EBF2: variants seen among roughly 807,000 people sequenced by gnomAD.
EBF2 encodes EBF transcription factor 2.
In EBF2, 21 loss-of-function variants were observed where a neutral mutation model predicts 72.8. That is an observed-to-expected ratio of 0.29 (90% confidence interval 0.20 to 0.42). EBF2 has a LOEUF of 0.42. Ranked by LOEUF, EBF2 falls within the 10% of genes least tolerant of loss-of-function variation. The probability of loss-of-function intolerance (pLI) is 1.00; values close to 1 mark genes in which losing one functional copy is unlikely to be tolerated. For synonymous variants in EBF2, 299 were observed against 274.2 expected (o/e 1.09, Z -0.89); for missense variants, 637 against 731.2 (o/e 0.87, Z 1.49).
At chr8:26,043,166 C>G (rs1428466582) in intron 1 of EBF2, among the ~76,000 whole-genome samples, 1 of 152,230 alleles carries the variant, frequency 6.6e-6, no homozygotes, top group African/African-American at 2.4e-5. Context: ...ACACGCTTCC[C>G]AGCCAACCGG....
At chr8:25,939,760 TAACA>T (rs1308319797) in intron 6 of EBF2, among the ~76,000 whole-genome samples, 2 of 152,166 alleles carry the variant, frequency 1.3e-5, no homozygotes, top group African/African-American at 4.8e-5. Context: ...AAAGAATAAT[TAACA>T]AAGAGAGGAG....
intron 6 of EBF2, among the ~76,000 whole-genome samples, chr8:25,939,083 G>A (rs1803627003): frequency 6.6e-6 from 1 of 152,042 alleles, no homozygotes; most frequent in African/African-American, 2.4e-5. Flanking sequence ...GTAACTTCAT[G>A]CTCAAGACAA....
intron 10 of EBF2, among the ~76,000 whole-genome samples, chr8:25,868,268 C>G (rs1236622461): frequency 6.6e-6 from 1 of 152,004 alleles, no homozygotes; most frequent in African/African-American, 2.4e-5. Flanking sequence ...ACAGTATGTG[C>G]CTTTTGGAAT....
intron 6 of EBF2, among the ~76,000 whole-genome samples, chr8:25,931,012 G>A (rs2117145520): frequency 6.6e-6 from 1 of 152,210 alleles, no homozygotes; most frequent in East Asian, 1.9e-4. Flanking sequence ...CAGAGTTGAA[G>A]CGAATGAAAC....
At chr8:25,886,086 C>A (rs1396558218) in intron 10 of EBF2, among the ~76,000 whole-genome samples, 1 of 152,158 alleles carries the variant, frequency 6.6e-6, no homozygotes, top group Non-Finnish European at 1.5e-5. Flanking sequence ...TCCATCTCTT[C>A]CTTGGCACCT....
At chr8:25,964,630 G>A (rs994487638) in intron 6 of EBF2, among the ~76,000 whole-genome samples, 4 of 152,148 alleles carry the variant, frequency 2.6e-5, no homozygotes, top group South Asian at 2.1e-4. Flanking sequence ...TCCTGGACAC[G>A]GTCCACTATT....
rs558188670 is a variant in EBF2, at chr8:26,044,307, G to A, written c.131+422C>T. Among the ~76,000 whole-genome samples the A allele has an allele frequency of 1.8e-4, 28 of 152,356 alleles. No homozygotes were observed. Among genetic ancestry groups the A allele is most frequent in the African/African-American group, 6.5e-4 (27 of 41,592 alleles). ...AAGATGCGGGAGGTAGGCGCTCGCA[G>A]GCGGCGTGGCGAAGCCAAGAGTGGC... On this transcript the variant is annotated intron_variant, in intron 1 of 15. Transcript: ENST00000520164. The surrounding 1 kb of genome is among the most constrained non-coding windows in gnomAD (Gnocchi z 4.1).
Position 25,889,854 on chromosome 8 carries a change from T to C in EBF2, c.649A>G (p.Thr217Ala). 1.2e-6 allele frequency: 2 copies of C among 1,613,916 alleles called. No individual in the cohort carries two copies. Among genetic ancestry groups the C allele is most frequent in the Non-Finnish European group, 1.7e-6 (2 of 1,179,846 alleles). Residue 217 changes from threonine to alanine, a missense_variant, in exon 8 of 16, where the codon ACG (threonine) becomes GCG (alanine). By Grantham distance (58) the Thr-to-Ala change is moderately conservative. Transcript: ENST00000520164. ...MRRFQVVLST[T>A]VNVDGHVLAV... ...AGGACGTGTCCATCCACATTCACCG[T>C]TGTTGACAACACAACCTGCATATTT...
rs111428921 is a variant in EBF2, at chr8:26,018,543, C to T, written c.551+14542G>A. Among the ~76,000 whole-genome samples, 1,050 of 146,834 alleles carry T rather than the reference C, an allele frequency of 7.2e-3. 14 individuals carry two copies. The highest frequency in any genetic ancestry group is 0.025 in the African/African-American group (992 of 39,636). On this transcript the variant is annotated intron_variant, in intron 6 of 15. Transcript: ENST00000520164. ...AAAATTAGCCGGGCGTGGTGTCAGG[C>T]GTCTATAGTCCCAGCTACTCAGGAG...
chr8:25,900,121 T>C (rs1336557738), intron 7 of EBF2, among the ~76,000 whole-genome samples: 1 of 152,146 alleles, frequency 6.6e-6, no homozygotes, highest in African/African-American at 2.4e-5. Context: ...ACTGAAGGCT[T>C]CCCCAGCCTG....
At chr8:25,977,782 GAC>G (rs1260054720) in intron 6 of EBF2, among the ~76,000 whole-genome samples, 1 of 152,152 alleles carries the variant, frequency 6.6e-6, no homozygotes, top group Non-Finnish European at 1.5e-5. Context: ...ACGTGTCAAA[GAC>G]ACATTTTCCT....
intron 6 of EBF2, among the ~76,000 whole-genome samples, chr8:25,957,162 G>A (rs1286649853): frequency 3.9e-5 from 6 of 152,072 alleles, no homozygotes; most frequent in Non-Finnish European, 5.9e-5. Context: ...TTCCAGCCTC[G>A]AGACACCTCA....
chr8:25,925,535 C>T (rs4073705), intron 6 of EBF2, among the ~76,000 whole-genome samples: 15,824 of 152,212 alleles, frequency 0.1, 1,082 homozygotes, highest in African/African-American at 0.19. Flanking sequence ...TGCTCTCACC[C>T]CCCAACCCAC....
chr8:25,882,263 G>A (rs966338746), intron 10 of EBF2, among the ~76,000 whole-genome samples: 1 of 152,198 alleles, frequency 6.6e-6, no homozygotes. Flanking sequence ...AGGCACTGAA[G>A]AAGCGAGCCA....
intron 7 of EBF2, among the ~76,000 whole-genome samples, chr8:25,895,562 G>A (rs953667933): frequency 1.4e-4 from 21 of 152,184 alleles, no homozygotes; most frequent in Non-Finnish European, 1.8e-4. Context: ...CTACAAGTAC[G>A]TTAGCAGTCT....
rs191503049 is a variant in EBF2, at chr8:26,030,756, T to C, written c.551+2329A>G. 5.3e-3 allele frequency among the ~76,000 whole-genome samples: 809 copies of C among 152,302 alleles called. 14 individuals carry two copies. Among genetic ancestry groups the C allele is most frequent in the African/African-American group, 0.018 (761 of 41,560 alleles). On this transcript the variant is annotated intron_variant, in intron 6 of 15. Coordinates refer to ENST00000520164, the MANE Select transcript of EBF2 (RefSeq NM_022659.4). Reference sequence around the variant, plus strand: ...TGAGGCAGAGACATCACTGGGCTATTTTATTGCACATAGGATAGTAAAAAT... The same window carrying C: ...TGAGGCAGAGACATCACTGGGCTATCTTATTGCACATAGGATAGTAAAAAT...
intron 6 of EBF2, among the ~76,000 whole-genome samples, chr8:25,956,360 G>A (rs970071680): frequency 4.6e-5 from 7 of 151,288 alleles, no homozygotes; most frequent in African/African-American, 1.2e-4. Context: ...AGCCGAGATC[G>A]CATCATTGTA....
chr8:25,875,140 T>C (rs1291545031), intron 10 of EBF2, among the ~76,000 whole-genome samples: 1 of 152,164 alleles, frequency 6.6e-6, no homozygotes, highest in Non-Finnish European at 1.5e-5. Flanking sequence ...TCTTTCAAGA[T>C]GAATCCACAT....
chr8:26,040,151 G>C (rs760410456), intron 4 of EBF2, 50 bp from the exon 5 acceptor site: 2 of 1,573,454 alleles, frequency 1.3e-6, no homozygotes, highest in Admixed American at 1.7e-5. Context: ...GGGGTGGGGG[G>C]CAAGGAAAGA....
Sources: allele counts gnomAD v4.1 joint callset (sites outside exome capture counted in the v4.1 genomes callset), GRCh38; gene constraint gnomAD v4.1.1; non-coding constraint Gnocchi (gnomAD v3.1); transcripts MANE v1.5; gene names NCBI Gene and HGNC (gene_info 2026-07-23, HGNC 2026-07-21).